The following ITGA8 variants were observed in gnomAD, a reference collection of about 807,000 sequenced individuals.
ITGA8 encodes the protein integrin subunit alpha 8, also known as integrin alpha-8.
Under a neutral mutation model 142.3 loss-of-function variants are expected in ITGA8, and 91 were observed. The observed-to-expected ratio is 0.64, with a 90% CI of 0.54 to 0.76. The LOEUF is 0.76. Among genes scored for constraint, ITGA8 ranks in the 30% least tolerant of loss-of-function variants. ITGA8 has a pLI of 0.00. For missense variants in ITGA8, 1,406 were observed against 1,327.7 expected (o/e 1.06, Z -0.92); for synonymous variants, 505 against 485.2 (o/e 1.04, Z -0.54).
Position 15,718,759 on chromosome 10 carries a change from CACTT to C in ITGA8, c.343+3_343+6del. The stretch of plus-strand genomic sequence containing the variant: ...GCCCACAGCTTAGAAGGACAAATCT[CACTT>C]ACTGGTGGTGTCAAACGGTATCTGC... On this transcript the variant is annotated splice_donor_5th_base_variant and intron_variant, in intron 2 of 29. Transcript: ENST00000378076. The C allele has an allele frequency of 1.2e-6, 2 of 1,613,756 alleles. No individual in the cohort carries two copies. Among genetic ancestry groups the C allele is most frequent in the Non-Finnish European group, 1.7e-6 (2 of 1,179,748 alleles).
intron 13 of ITGA8, among the ~76,000 whole-genome samples, chr10:15,640,687 G>A (rs190099286): frequency 6.6e-6 from 1 of 152,328 alleles, no homozygotes; most frequent in African/African-American, 2.4e-5. Flanking sequence ...ACTGGCAACA[G>A]CTAAGGAAAA....
At chr10:15,552,177 C>G (rs1330092326) in intron 26 of ITGA8, among the ~76,000 whole-genome samples, 3 of 151,934 alleles carry the variant, frequency 2.0e-5, no homozygotes, top group Middle Eastern at 3.4e-3. Context: ...CGCTCCGTCT[C>G]CCAGGCTGGA....
chr10:15,575,622 T>G (rs1834275971), intron 23 of ITGA8, 28 bp from the exon 24 acceptor site: 3 of 1,546,960 alleles, frequency 1.9e-6, no homozygotes, highest in Non-Finnish European at 2.7e-6. Flanking sequence ...CTGTTAATTG[T>G]TAGCAATGGC....
At chr10:15,640,372 G>A (rs549714446) in intron 13 of ITGA8, among the ~76,000 whole-genome samples, 2 of 152,308 alleles carry the variant, frequency 1.3e-5, no homozygotes, top group African/African-American at 4.8e-5. Flanking sequence ...GTATGCTGAT[G>A]TTATCGCTCT....
At chr10:15,631,330 T>G (rs1313084255) in intron 13 of ITGA8, among the ~76,000 whole-genome samples, 3 of 151,962 alleles carry the variant, frequency 2.0e-5, no homozygotes, top group Non-Finnish European at 4.4e-5. Flanking sequence ...AGCCTATCAA[T>G]GATAGACTGG....
chr10:15,696,763 C>G (rs1219938169), intron 2 of ITGA8, among the ~76,000 whole-genome samples: 1 of 147,436 alleles, frequency 6.8e-6, no homozygotes, highest in African/African-American at 2.5e-5. Context: ...GAGACCAAGG[C>G]AGGAGGATCG....
At chr10:15,638,368 C>T (rs111940628) in intron 13 of ITGA8, among the ~76,000 whole-genome samples, 8 of 152,264 alleles carry the variant, frequency 5.3e-5, no homozygotes, top group Non-Finnish European at 1.0e-4. Flanking sequence ...GTTAAGAATA[C>T]GTAAGAGTGT....
chr10:15,686,913 C>CA (rs1834842046), intron 3 of ITGA8, among the ~76,000 whole-genome samples: 1 of 151,888 alleles, frequency 6.6e-6, no homozygotes, highest in Admixed American at 6.6e-5. Context: ...TCAAGACACA[C>CA]AAAAAAATCA....
intron 2 of ITGA8, among the ~76,000 whole-genome samples, chr10:15,690,292 G>T (rs752348439): frequency 6.6e-6 from 1 of 152,126 alleles, no homozygotes; most frequent in Non-Finnish European, 1.5e-5. Context: ...CATATGCCCT[G>T]TTGGCTCCAG....
rs377109566 is a variant in ITGA8, at chr10:15,698,092, A to G, written c.344-10054T>C. Among the ~76,000 whole-genome samples the G allele has an allele frequency of 4.6e-5, 7 of 152,116 alleles. No homozygotes were observed. In the East Asian group the frequency reaches 1.4e-3, roughly 29 times the overall value. ...CCTTTCTCCCAGGTCCCCAAAGTCCATTGTGTCATTCTTATGCCTTTGCAT... is the reference window on the plus strand; with the variant it reads ...CCTTTCTCCCAGGTCCCCAAAGTCCGTTGTGTCATTCTTATGCCTTTGCAT... On this transcript the variant is annotated intron_variant, in intron 2 of 29. Transcript: ENST00000378076.
intron 26 of ITGA8, among the ~76,000 whole-genome samples, chr10:15,555,942 C>A (rs1369279735): frequency 6.6e-6 from 1 of 151,194 alleles, no homozygotes; most frequent in Non-Finnish European, 1.5e-5. Context: ...CGTGATCTGC[C>A]CACCTCGGCC....
chr10:15,689,173 C>T (rs1459997194), intron 2 of ITGA8, among the ~76,000 whole-genome samples: 2 of 151,938 alleles, frequency 1.3e-5, no homozygotes, highest in African/African-American at 4.8e-5. Flanking sequence ...ATACAAAAAC[C>T]CCATTTACAA....
At chr10:15,611,665 G>T (rs1005244459) in intron 15 of ITGA8, 2 of 151,728 alleles carry the variant, frequency 1.3e-5, no homozygotes, top group African/African-American at 4.8e-5. Context: ...CTAATTTTTT[G>T]TATTTTTAGT....
intron 13 of ITGA8, among the ~76,000 whole-genome samples, chr10:15,616,909 G>T (rs1247677188): frequency 6.6e-6 from 1 of 152,160 alleles, no homozygotes; most frequent in Non-Finnish European, 1.5e-5. Context: ...CTAGGTACCA[G>T]GCTCATTACA....
At chr10:15,600,825 A>G (rs1271650810) in intron 20 of ITGA8, among the ~76,000 whole-genome samples, 3 of 152,206 alleles carry the variant, frequency 2.0e-5, no homozygotes, top group African/African-American at 4.8e-5. Context: ...GACTCAGTCC[A>G]CAATCTCTCT....
At chr10:15,568,049 A>C (rs1177979143) in intron 25 of ITGA8, among the ~76,000 whole-genome samples, 2 of 151,898 alleles carry the variant, frequency 1.3e-5, no homozygotes, top group East Asian at 3.9e-4. Flanking sequence ...AGCAGCTGGG[A>C]CTCCAGGGAC....
At chr10:15,627,824 G>A (rs1041168800) in intron 13 of ITGA8, among the ~76,000 whole-genome samples, 1 of 150,616 alleles carries the variant, frequency 6.6e-6, no homozygotes, top group African/African-American at 2.5e-5. Flanking sequence ...GATCCACTGG[G>A]CTGCATTCCC....
intron 2 of ITGA8, among the ~76,000 whole-genome samples, chr10:15,703,278 C>T (rs1259877723): frequency 6.6e-6 from 1 of 152,132 alleles, no homozygotes; most frequent in East Asian, 1.9e-4. Flanking sequence ...AGACTGTCTT[C>T]CTTAAGAACA....
At chr10:15,696,903 C>T (rs887973200) in intron 2 of ITGA8, among the ~76,000 whole-genome samples, 1 of 151,362 alleles carries the variant, frequency 6.6e-6, no homozygotes, top group African/African-American at 2.4e-5. Context: ...CATAGTAGCC[C>T]ATGCCTGAGG....
Sources: allele counts gnomAD v4.1 joint callset (sites outside exome capture counted in the v4.1 genomes callset), GRCh38; gene constraint gnomAD v4.1.1; transcripts MANE v1.5; gene names NCBI Gene and HGNC (gene_info 2026-07-23, HGNC 2026-07-21).